Variants in EVC2 observed in about 807,000 individuals in gnomAD.
The protein encoded by EVC2 is EvC ciliary complex subunit 2.
A neutral mutation model predicts 149.3 loss-of-function variants in EVC2; 148 were observed. That is an observed-to-expected ratio of 0.99 (90% CI 0.87 to 1.14). The LOEUF is 1.14. Ranked by LOEUF, EVC2 falls within the 50% of genes most tolerant of loss-of-function variation. The pLI, the probability that EVC2 is intolerant of heterozygous loss-of-function variation, is 0.00. For missense variants in EVC2, 1,854 were observed against 1,627.3 expected, an observed-to-expected ratio of 1.14 and a Z score of -2.40; for synonymous variants, 776 against 649.9, an observed-to-expected ratio of 1.19 and a Z score of -2.95.
chr4:5,536,532 C>T, the EVC2 span, among the ~76,000 whole-genome samples: 142 of 152,214 alleles, frequency 9.3e-4, 2 homozygotes, highest in East Asian at 0.022. Context: ...CACCTGTAAT[C>T]CTAGCACTTT....
chr4:5,654,462 G>C (rs1718367790), intron 9 of EVC2, among the ~76,000 whole-genome samples: 1 of 152,204 alleles, frequency 6.6e-6, no homozygotes, highest in Non-Finnish European at 1.5e-5. Flanking sequence ...ACATCCTTGA[G>C]GTTTCAACCT....
chr4:5,631,885 T>C lies in EVC2; in HGVS notation c.1618A>G (p.Ile540Val). ...AVFQRNELHSIFFTQIKSAIF... is the reference protein window; with the variant it reads ...AVFQRNELHSVFFTQIKSAIF... ...GCACTTTTTATCTGGGTAAAAAAGA[T>C]ACTGTGCAGTTCATTTCTCTGGAAA... The change falls in exon 11 of 22, where the codon ATC becomes GTC. Residue 540 changes from isoleucine (I) to valine (V), a missense_variant. Coordinates refer to ENST00000344408, the MANE Select transcript of EVC2 (RefSeq NM_147127.5). The C allele has an allele frequency of 1.1e-5, 18 of 1,614,258 alleles. No homozygotes were observed. The highest frequency in any genetic ancestry group is 1.5e-5 in the Non-Finnish European group (18 of 1,180,046).
Position 5,672,534 on chromosome 4 carries a change from G to A in EVC2, c.871-6885C>T, listed in dbSNP as rs73065652. Among the ~76,000 whole-genome samples, 123 of 152,270 alleles carry A rather than the reference G, an allele frequency of 8.1e-4. 1 individual carries two copies. Among genetic ancestry groups the A allele is most frequent in the Middle Eastern group, 3.4e-3 (1 of 294 alleles). Reference sequence around the variant, plus strand: ...GCAACGGGACACGCCAGCAAGGACCGTGGACTTTGGCTTTTGATGGGGGTT... The same window carrying A: ...GCAACGGGACACGCCAGCAAGGACCATGGACTTTGGCTTTTGATGGGGGTT... On this transcript the variant is annotated intron_variant, in intron 7 of 21. Coordinates refer to ENST00000344408, the MANE Select transcript of EVC2 (RefSeq NM_147127.5).
the EVC2 span, among the ~76,000 whole-genome samples, chr4:5,534,436 G>T: frequency 6.6e-6 from 1 of 152,176 alleles, no homozygotes; most frequent in Non-Finnish European, 1.5e-5. Flanking sequence ...GAGAGACTGG[G>T]ATGTTTCAGT....
Position 5,618,380 on chromosome 4 carries a change from G to T in EVC2, c.2706+98C>A. On this transcript the variant is annotated intron_variant, in intron 15 of 21. Coordinates refer to ENST00000344408, the MANE Select transcript of EVC2 (RefSeq NM_147127.5). The surrounding 1 kb of genome is among the most constrained non-coding windows in gnomAD (Gnocchi z 4.4). ...AGGAGAGGATAGGGGAGCATGAGGT[G>T]AGATGGGCTCAGGCTGGGGAAGAGG... is the stretch of plus-strand genomic sequence containing the variant. The T allele has an allele frequency of 3.0e-6, 4 of 1,354,258 alleles. No homozygotes were observed. Among genetic ancestry groups the T allele is most frequent in the South Asian group, 1.2e-5 (1 of 82,828 alleles). The allele number at this position is 1,354,258 out of a possible 1,614,324, so 83.9% of individuals were successfully genotyped here. A position where few individuals can be genotyped will look rare whatever the true frequency, so the allele number is the denominator to read the frequency against.
chr4:5,543,887 GCAGGCCT>G (rs1333480187), intron 21 of EVC2, among the ~76,000 whole-genome samples: 1 of 152,182 alleles, frequency 6.6e-6, no homozygotes, highest in African/African-American at 2.4e-5. Context: ...AGAAAGGGGT[GCAGGCCT>G]CAGGCCTCAG....
intron 6 of EVC2, 56 bp from the exon 7 acceptor site, chr4:5,681,369 G>A (rs1720334530): frequency 6.3e-7 from 1 of 1,580,656 alleles, no homozygotes; most frequent in Admixed American, 1.7e-5. Context: ...TGACACGTGG[G>A]ATAACATTTG....
intron 6 of EVC2, among the ~76,000 whole-genome samples, chr4:5,681,940 G>C (rs538076554): frequency 1.3e-5 from 2 of 152,266 alleles, no homozygotes; most frequent in East Asian, 3.9e-4. Context: ...GTGGTGGTTA[G>C]GGCCAGGCTG....
chr4:5,676,079 T>A (rs1007815422), intron 7 of EVC2, among the ~76,000 whole-genome samples: 5 of 152,178 alleles, frequency 3.3e-5, no homozygotes, highest in Non-Finnish European at 5.9e-5. Context: ...GTTCTCCTGG[T>A]GCCCGGCACA....
chr4:5,532,120 T>C, the EVC2 span, among the ~76,000 whole-genome samples: 1 of 152,102 alleles, frequency 6.6e-6, no homozygotes, highest in East Asian at 1.9e-4. Context: ...GGGCCACTGG[T>C]ATATTGATAG....
intron 17 of EVC2, among the ~76,000 whole-genome samples, chr4:5,577,135 T>C (rs1379021927): frequency 6.6e-6 from 1 of 152,256 alleles, no homozygotes; most frequent in African/African-American, 2.4e-5. Context: ...CTAAGTTCTC[T>C]TGCTTTATAG....
intron 16 of EVC2, among the ~76,000 whole-genome samples, chr4:5,610,862 G>A (rs1177297197): frequency 6.8e-6 from 1 of 146,198 alleles, no homozygotes; most frequent in Non-Finnish European, 1.5e-5. Flanking sequence ...TGTGTGGCAA[G>A]TAGACTAGGA....
In EVC2 at chr4:5,685,376, C is replaced by T. The variant is rs761317948; in HGVS notation, c.810G>A (p.Ser270=). 10 of 1,614,004 alleles carry T rather than the reference C, an allele frequency of 6.2e-6. No individual in the cohort carries two copies. Among genetic ancestry groups the T allele is most frequent in the Admixed American group, 1.7e-5 (1 of 60,010 alleles). The part of the protein sequence containing the change: ...KLPAQLTFQS[S]SRNRTQLKVL... ...AAAGTAACAAAGGTCATACCCGTGA[C>T]GAGCTCTGAAAGGTGAGTTGGGCAG... The change falls in exon 6 of 22, where the codon TCG becomes TCA. Residue 270 remains serine (S), a synonymous_variant. Transcript: ENST00000344408.
At chr4:5,610,073 A>C (rs1178680143) in intron 16 of EVC2, among the ~76,000 whole-genome samples, 3 of 152,168 alleles carry the variant, frequency 2.0e-5, no homozygotes, top group African/African-American at 7.2e-5. Context: ...CAAAGCCCTT[A>C]TCTCTCATAG....
At chr4:5,676,872 T>C (rs993231439) in intron 7 of EVC2, among the ~76,000 whole-genome samples, 16 of 151,676 alleles carry the variant, frequency 1.1e-4, no homozygotes, top group African/African-American at 3.9e-4. Flanking sequence ...AGTGCCTCAG[T>C]GTGAGGGTGG....
chr4:5,646,684 T>A (rs957853536), intron 9 of EVC2, among the ~76,000 whole-genome samples: 21 of 152,198 alleles, frequency 1.4e-4, no homozygotes, highest in African/African-American at 5.1e-4. Context: ...TTTGGGTTTG[T>A]TTGTTTATCA....
At chr4:5,661,750 T>G (rs1271744102) in intron 9 of EVC2, among the ~76,000 whole-genome samples, 1 of 152,202 alleles carries the variant, frequency 6.6e-6, no homozygotes, top group Non-Finnish European at 1.5e-5. Flanking sequence ...CCAGGAGAAA[T>G]CTTGGGCAAT....
At chr4:5,650,178 C>T (rs1718006296) in intron 9 of EVC2, among the ~76,000 whole-genome samples, 1 of 152,096 alleles carries the variant, frequency 6.6e-6, no homozygotes, top group Admixed American at 6.6e-5. Context: ...CAGACAGATG[C>T]CACTAACTCT....
At chr4:5,692,757 C>T (rs1721200572) in intron 3 of EVC2, among the ~76,000 whole-genome samples, 1 of 150,360 alleles carries the variant, frequency 6.7e-6, no homozygotes. Context: ...GTCCCAGCTA[C>T]TCGGGAGGCT....
Sources: gnomAD v4.1 joint callset for allele counts (sites outside exome capture counted in the v4.1 genomes callset) on GRCh38, gnomAD v4.1.1 for gene constraint, Gnocchi (gnomAD v3.1) non-coding constraint, MANE v1.5 for transcripts, NCBI Gene and HGNC (gene_info 2026-07-23, HGNC 2026-07-21) for gene names.